Variants in SCARA5 observed in about 807,000 individuals in gnomAD.
The protein encoded by SCARA5 is scavenger receptor class A, member 5 (putative).
Under a neutral mutation model 46.3 loss-of-function variants are expected in SCARA5, and 45 were observed. The observed-to-expected ratio is 0.97, with a 90% confidence interval of 0.76 to 1.24. SCARA5 has a LOEUF of 1.24. Ranked by LOEUF, SCARA5 falls within the 50% of genes most tolerant of loss-of-function variation. The probability of loss-of-function intolerance (pLI) is 0.00; values close to 1 mark genes in which losing one functional copy is unlikely to be tolerated. For synonymous variants in SCARA5, 333 were observed against 306.5 expected (o/e 1.09, Z -0.90); for missense variants, 680 against 689.0 (o/e 0.99, Z 0.15).
chr8:27,972,741 T>C (rs1808466073), intron 2 of SCARA5, among the ~76,000 whole-genome samples: 1 of 152,136 alleles, frequency 6.6e-6, no homozygotes. Flanking sequence ...GGTATGTGCC[T>C]GTATCCTAGC....
intron 4 of SCARA5, among the ~76,000 whole-genome samples, chr8:27,916,784 C>A (rs571012875): frequency 3.3e-5 from 5 of 152,262 alleles, no homozygotes; most frequent in African/African-American, 1.2e-4. Context: ...GAGCTGGAGG[C>A]CCAAGCACTG....
chr8:27,936,574 GA>G (rs971478208), intron 3 of SCARA5, among the ~76,000 whole-genome samples: 39 of 65,576 alleles, frequency 5.9e-4, no homozygotes, highest in Middle Eastern at 0.016. Context: ...GGGTGAGAGA[GA>G]AAGACTGTGT....
intron 1 of SCARA5, among the ~76,000 whole-genome samples, chr8:27,989,433 C>G (rs2129991956): frequency 6.6e-6 from 1 of 152,152 alleles, no homozygotes; most frequent in Admixed American, 6.5e-5. Flanking sequence ...CAGCTGAAGC[C>G]CCTATTTTCA....
At chr8:27,897,644 T>C (rs2726974) in intron 7 of SCARA5, among the ~76,000 whole-genome samples, 117,175 of 152,208 alleles carry the variant, frequency 0.77, 48,420 homozygotes, top group Non-Finnish European at 0.92. Context: ...CAGGCTCGGC[T>C]GCCTGTGTAC....
At chr8:27,935,223 G>A (rs1313180601) in intron 3 of SCARA5, among the ~76,000 whole-genome samples, 1 of 152,112 alleles carries the variant, frequency 6.6e-6, no homozygotes, top group Non-Finnish European at 1.5e-5. Context: ...AATTTGTTAG[G>A]CAGCCTCGGG....
At chr8:27,901,379 C>T (rs1807150876) in intron 7 of SCARA5, among the ~76,000 whole-genome samples, 1 of 152,120 alleles carries the variant, frequency 6.6e-6, no homozygotes, top group Non-Finnish European at 1.5e-5. Context: ...ACGATGTTGG[C>T]TTGTGGAGGA....
At chr8:27,975,523 G>T (rs1197069676) in intron 2 of SCARA5, among the ~76,000 whole-genome samples, 3 of 152,082 alleles carry the variant, frequency 2.0e-5, no homozygotes, top group East Asian at 1.9e-4. Flanking sequence ...GGAATCCAAG[G>T]CTACCACCAG....
intron 3 of SCARA5, among the ~76,000 whole-genome samples, chr8:27,936,288 C>G (rs1807856180): frequency 6.6e-6 from 1 of 151,974 alleles, no homozygotes; most frequent in Non-Finnish European, 1.5e-5. Flanking sequence ...CTTCAGAGAC[C>G]AGTAGGACAA....
Position 27,879,631 on chromosome 8 carries a change from AC to A in SCARA5, c.1288del (p.Val430CysfsTer50), listed in dbSNP as rs1204095966. 1 of 1,612,124 alleles carries A rather than the reference AC, an allele frequency of 6.2e-7. No individual in the cohort carries two copies. The highest frequency in any genetic ancestry group is 8.5e-7 in the Non-Finnish European group (1 of 1,180,012). On this transcript the variant is annotated frameshift_variant, in exon 8 of 9. Coordinates refer to ENST00000354914, the MANE Select transcript of SCARA5 (RefSeq NM_173833.6). LOFTEE classifies it high-confidence loss of function. Reference protein sequence around the residue: ...DGWDKKDGDVVCRMLGFRGVE... With the variant: ...DGWDKKDGDVXCRMLGFRGVE... ...ACCGCGGAAGCCGAGCATGCGGCAC[AC>A]CACGTCTCCGTCCTTCTTGTCCCAG...
intron 3 of SCARA5, among the ~76,000 whole-genome samples, chr8:27,938,555 C>T (rs886868245): frequency 1.3e-5 from 2 of 152,228 alleles, no homozygotes; most frequent in South Asian, 2.1e-4. Context: ...GCCCTGTAGT[C>T]GATGTTCACT....
intron 3 of SCARA5, among the ~76,000 whole-genome samples, chr8:27,957,749 G>T (rs1563538047): frequency 6.6e-6 from 1 of 152,224 alleles, no homozygotes; most frequent in East Asian, 1.9e-4. Context: ...CTATTTTCTG[G>T]ATTCCTTAGG....
intron 3 of SCARA5, among the ~76,000 whole-genome samples, chr8:27,963,292 C>T (rs374614461): frequency 1.4e-4 from 21 of 152,200 alleles, no homozygotes; most frequent in Non-Finnish European, 1.6e-4. Flanking sequence ...CCTGGCCACA[C>T]GACCAGGCAA....
At chr8:27,948,558 G>T (rs1461041067) in intron 3 of SCARA5, among the ~76,000 whole-genome samples, 1 of 152,246 alleles carries the variant, frequency 6.6e-6, no homozygotes, top group Admixed American at 6.5e-5. Context: ...CGAAGGGTGT[G>T]GCCCGGTTCC....
At chr8:27,917,667 A>G (rs1563524563) in intron 4 of SCARA5, among the ~76,000 whole-genome samples, 1 of 152,056 alleles carries the variant, frequency 6.6e-6, no homozygotes, top group African/African-American at 2.4e-5. Flanking sequence ...GGGCAATAAG[A>G]CCTTTTTGCA....
At position 27,984,579 on chromosome 8, in the gene SCARA5, C is replaced by CCCATCCATTCATTCAT. The variant is rs1267840584; in HGVS notation, c.112+2909_112+2924dup. The stretch of plus-strand genomic sequence containing the variant: ...ATTCATTCACCCATCCATTCATTCA[C>CCCATCCATTCATTCAT]CCATCCATTCATTCATCCATCCATT... On this transcript the variant is annotated intron_variant, in intron 2 of 8. Transcript: ENST00000354914. 5.9e-5 allele frequency among the ~76,000 whole-genome samples: 8 copies of CCCATCCATTCATTCAT among 135,452 alleles called. No individual in the cohort carries two copies. The East Asian group carries it at 6.4e-4, about 11-fold the overall frequency. 88.9% of individuals were successfully genotyped at this position (135,452 alleles called of 152,430 possible).
chr8:27,977,431 A>G (rs1223960016), intron 2 of SCARA5, among the ~76,000 whole-genome samples: 2 of 152,072 alleles, frequency 1.3e-5, no homozygotes, highest in African/African-American at 4.8e-5. Flanking sequence ...CCGGACTCCC[A>G]GCGGATCAGC....
intron 7 of SCARA5, 83 bp from the exon 8 acceptor site, chr8:27,879,849 C>T (rs911764491): frequency 1.5e-6 from 2 of 1,374,796 alleles, no homozygotes; most frequent in South Asian, 1.2e-5. Context: ...TCCGCCTACC[C>T]CTGGGTAGGA....
At chr8:27,942,635 CT>C (rs984433915) in intron 3 of SCARA5, among the ~76,000 whole-genome samples, 18 of 152,192 alleles carry the variant, frequency 1.2e-4, no homozygotes, top group Non-Finnish European at 8.8e-5. Context: ...CCTGCGTCCA[CT>C]TCCTTCCCCA....
chr8:27,890,739 A>T (rs1806967721), intron 7 of SCARA5, among the ~76,000 whole-genome samples: 1 of 152,260 alleles, frequency 6.6e-6, no homozygotes, highest in Non-Finnish European at 1.5e-5. Context: ...CTGTGCACAC[A>T]GTGACTTGGG....
Sources: allele counts gnomAD v4.1 joint callset (sites outside exome capture counted in the v4.1 genomes callset), GRCh38; gene constraint gnomAD v4.1.1; transcripts MANE v1.5; gene names NCBI Gene and HGNC (gene_info 2026-07-23, HGNC 2026-07-21).